Variants in CAST observed in about 807,000 individuals in gnomAD.
CAST encodes calpastatin.
Under a neutral mutation model 119.6 loss-of-function variants are expected in CAST, and 76 were observed. The ratio of observed to expected loss-of-function variants is 0.64; its 90% CI spans 0.53 to 0.77. CAST has a LOEUF of 0.77. CAST is among the 30% of genes least tolerant of loss of function. The pLI is 0.00. For missense variants in CAST, 953 were observed against 946.5 expected (o/e 1.01, Z -0.09); for synonymous variants, 319 against 331.6 (o/e 0.96, Z 0.41).
the CAST span, among the ~76,000 whole-genome samples, chr5:96,449,845 C>T: frequency 6.6e-6 from 1 of 152,200 alleles, no homozygotes; most frequent in Non-Finnish European, 1.5e-5. Flanking sequence ...TCACCATCAT[C>T]AAGGATTCTC....
intron 1 of CAST, among the ~76,000 whole-genome samples, chr5:96,670,748 G>A (rs1749963043): frequency 6.6e-6 from 1 of 152,152 alleles, no homozygotes; most frequent in African/African-American, 2.4e-5. Context: ...TGCCCACCTC[G>A]GCCTCCCAAA....
the CAST span, among the ~76,000 whole-genome samples, chr5:96,348,211 A>G: frequency 6.6e-6 from 1 of 152,130 alleles, no homozygotes; most frequent in Non-Finnish European, 1.5e-5. Flanking sequence ...GTTGGAGGAA[A>G]GTAAATAAAG....
chr5:96,237,590 C>A, the CAST span, among the ~76,000 whole-genome samples: 1 of 152,036 alleles, frequency 6.6e-6, no homozygotes, highest in Non-Finnish European at 1.5e-5. Context: ...ATAATCTTTG[C>A]CAAAGCTTTA....
At chr5:96,655,653 T>C (rs1012585017) in intron 1 of CAST, among the ~76,000 whole-genome samples, 4 of 152,234 alleles carry the variant, frequency 2.6e-5, no homozygotes, top group Non-Finnish European at 4.4e-5. Context: ...TAGCTCATCT[T>C]AGTAGTAGGC....
At chr5:96,283,485 C>G in the CAST span, among the ~76,000 whole-genome samples, 1 of 152,224 alleles carries the variant, frequency 6.6e-6, no homozygotes, top group Non-Finnish European at 1.5e-5. Flanking sequence ...TAGACTCTTT[C>G]ACAAGACGGA....
intron 1 of CAST, among the ~76,000 whole-genome samples, chr5:96,567,683 T>A (rs2611728): frequency 0.33 from 49,414 of 151,766 alleles, 8,674 homozygotes; most frequent in Middle Eastern, 0.44. Context: ...GTTCTTTTCT[T>A]CTTTTCATGT....
At chr5:96,176,653 C>G in the CAST span, among the ~76,000 whole-genome samples, 3 of 152,220 alleles carry the variant, frequency 2.0e-5, no homozygotes, top group Non-Finnish European at 4.4e-5. Flanking sequence ...TTTTGGCATA[C>G]TTTCACTTTT....
the CAST span, among the ~76,000 whole-genome samples, chr5:96,294,550 T>A: frequency 6.6e-6 from 1 of 152,262 alleles, no homozygotes; most frequent in African/African-American, 2.4e-5. Flanking sequence ...GAAAAGAAAT[T>A]GCCAGTCTCT....
At chr5:96,550,977 A>G (rs1746115509) in intron 1 of CAST, among the ~76,000 whole-genome samples, 1 of 152,228 alleles carries the variant, frequency 6.6e-6, no homozygotes, top group Admixed American at 6.5e-5. Context: ...AATGGAACCA[A>G]GTTAGAAAAC....
chr5:96,699,398 GA>G (rs1271174880), intron 3 of CAST, among the ~76,000 whole-genome samples: 3 of 152,214 alleles, frequency 2.0e-5, no homozygotes, highest in African/African-American at 7.2e-5. Flanking sequence ...ATTTCTTAAG[GA>G]ACGGGGTAGC....
chr5:96,440,610 GT>G, the CAST span, among the ~76,000 whole-genome samples: 1 of 152,022 alleles, frequency 6.6e-6, no homozygotes, highest in Non-Finnish European at 1.5e-5. Flanking sequence ...GGGTGAGGGG[GT>G]CCGTTTAAGG....
At chr5:96,729,458 C>T in intron 7 of CAST, 154 bp from the exon 8 acceptor site, 1 of 618,052 alleles carries the variant, frequency 1.6e-6, no homozygotes, top group Non-Finnish European at 2.9e-6. Flanking sequence ...GTACATCACA[C>T]TAATTGAAAT....
the CAST span, among the ~76,000 whole-genome samples, chr5:96,125,886 C>T: frequency 6.6e-6 from 1 of 152,000 alleles, no homozygotes. Context: ...ATTTGTTGTC[C>T]CTTTCATTTT....
chr5:96,447,491 C>T, the CAST span, among the ~76,000 whole-genome samples: 2 of 152,216 alleles, frequency 1.3e-5, no homozygotes, highest in Admixed American at 1.3e-4. Flanking sequence ...TCCACACACT[C>T]ACACACATCC....
chr5:96,045,476 C>T, the CAST span, among the ~76,000 whole-genome samples: 1 of 152,046 alleles, frequency 6.6e-6, no homozygotes, highest in Admixed American at 6.5e-5. Flanking sequence ...AAACCATGCA[C>T]TTGCAAAATA....
rs577079902 is a variant in CAST, at chr5:96,689,890, T to G, written c.139-5946T>G. 2.0e-5 allele frequency among the ~76,000 whole-genome samples: 3 copies of G among 152,318 alleles called. No individual in the cohort carries two copies. The East Asian group carries it at 5.8e-4, about 29-fold the overall frequency. ...CCTCTTTCTTCCTTGTGTGATGCCC[T>G]CTTTTCATTCAAGATTATATAGCAA... On this transcript the variant is annotated intron_variant, in intron 2 of 31. Transcript: ENST00000675179.
chr5:96,087,481 C>T, the CAST span, among the ~76,000 whole-genome samples: 2 of 151,996 alleles, frequency 1.3e-5, no homozygotes, highest in African/African-American at 4.8e-5. Context: ...ACCAGAAGTG[C>T]ATAATAGAGG....
chr5:96,404,100 G>C, the CAST span, among the ~76,000 whole-genome samples: 2 of 152,114 alleles, frequency 1.3e-5, no homozygotes, highest in Non-Finnish European at 2.9e-5. Flanking sequence ...AAACATTTAT[G>C]CAAGGAATTC....
chr5:96,640,288 G>T (rs1747934498), intron 1 of CAST, among the ~76,000 whole-genome samples: 1 of 152,076 alleles, frequency 6.6e-6, no homozygotes, highest in African/African-American at 2.4e-5. Context: ...GGCCAGGGGA[G>T]GAAAAACTCT....
Sources: gnomAD v4.1 joint callset for allele counts (sites outside exome capture counted in the v4.1 genomes callset) on GRCh38, gnomAD v4.1.1 for gene constraint, MANE v1.5 for transcripts, NCBI Gene and HGNC (gene_info 2026-07-23, HGNC 2026-07-21) for gene names.